Variants in C10orf90 observed in about 807,000 individuals in gnomAD.
C10orf90 encodes (E2-independent) E3 ubiquitin-conjugating enzyme FATS.
In C10orf90, 56 loss-of-function variants were observed where a neutral mutation model predicts 62.5. The ratio of observed to expected loss-of-function variants is 0.90; its 90% CI spans 0.72 to 1.12. C10orf90 has a LOEUF of 1.12. Among genes scored for constraint, C10orf90 ranks in the 50% most tolerant of loss-of-function variants. C10orf90 has a pLI of 0.00. For missense variants in C10orf90, 970 were observed against 880.4 expected (o/e 1.10, Z -1.29); for synonymous variants, 386 against 340.4 (o/e 1.13, Z -1.47).
At chr10:126,466,034 T>TA (rs113284947) in intron 4 of C10orf90, among the ~76,000 whole-genome samples, 1 of 151,634 alleles carries the variant, frequency 6.6e-6, no homozygotes, top group African/African-American at 2.4e-5. Context: ...TTTGTACTCT[T>TA]GATTTTTTTA....
intron 2 of C10orf90, among the ~76,000 whole-genome samples, chr10:126,587,662 C>G (rs1205349340): frequency 2.6e-5 from 4 of 152,212 alleles, no homozygotes. Context: ...TAGCAATGCT[C>G]TGCTAGAGCC....
At chr10:126,500,524 G>A (rs1338446575) in intron 4 of C10orf90, among the ~76,000 whole-genome samples, 2 of 152,138 alleles carry the variant, frequency 1.3e-5, no homozygotes, top group Non-Finnish European at 2.9e-5. Context: ...TGATGATGAC[G>A]ATGATGATGG....
chr10:126,579,427 G>C (rs1336045773), intron 2 of C10orf90, among the ~76,000 whole-genome samples: 1 of 151,942 alleles, frequency 6.6e-6, no homozygotes, highest in African/African-American at 2.4e-5. Context: ...TTTTAGTAGA[G>C]ATGGGGTTTC....
intron 7 of C10orf90, among the ~76,000 whole-genome samples, chr10:126,438,181 C>A (rs1307716374): frequency 1.3e-5 from 2 of 152,170 alleles, no homozygotes; most frequent in Non-Finnish European, 2.9e-5. Flanking sequence ...AGATGGAAGC[C>A]TGCACCCAAC....
At chr10:126,505,638 G>C (rs890523754) in intron 3 of C10orf90, among the ~76,000 whole-genome samples, 1 of 152,260 alleles carries the variant, frequency 6.6e-6, no homozygotes, top group South Asian at 2.1e-4. Flanking sequence ...TGGAAGTCAA[G>C]GTCCAGAGAG....
At chr10:126,510,459 G>A (rs936980486) in intron 3 of C10orf90, among the ~76,000 whole-genome samples, 5 of 152,140 alleles carry the variant, frequency 3.3e-5, no homozygotes, top group South Asian at 2.1e-4. Context: ...CTGGGTTAAC[G>A]AAACATGTCT....
chr10:126,526,137 C>T (rs1357146625), intron 2 of C10orf90, among the ~76,000 whole-genome samples: 4 of 152,090 alleles, frequency 2.6e-5, no homozygotes, highest in African/African-American at 9.7e-5. Flanking sequence ...CAGGCTCCCT[C>T]AGTCAAGTCT....
intron 4 of C10orf90, among the ~76,000 whole-genome samples, chr10:126,487,018 G>A (rs574020123): frequency 4.0e-5 from 6 of 151,670 alleles, no homozygotes; most frequent in African/African-American, 1.4e-4. Flanking sequence ...GGTGGCAGGT[G>A]CCTGTAATCC....
chr10:126,531,594 T>A (rs1464023331), intron 2 of C10orf90, among the ~76,000 whole-genome samples: 1 of 152,174 alleles, frequency 6.6e-6, no homozygotes, highest in African/African-American at 2.4e-5. Context: ...TGAAGAATAA[T>A]ATGCCTCAAC....
At chr10:126,494,207 C>A (rs1861915975) in intron 4 of C10orf90, among the ~76,000 whole-genome samples, 1 of 152,142 alleles carries the variant, frequency 6.6e-6, no homozygotes, top group South Asian at 2.1e-4. Flanking sequence ...TGAATATACA[C>A]CAAAGACTTT....
chr10:126,628,023 A>T (rs75956903), intron 2 of C10orf90, among the ~76,000 whole-genome samples: 4 of 152,234 alleles, frequency 2.6e-5, no homozygotes, highest in Non-Finnish European at 4.4e-5. Flanking sequence ...CTTAAAAAAA[A>T]GTGCATGGAA....
At chr10:126,536,636 G>T (rs932487184) in intron 2 of C10orf90, among the ~76,000 whole-genome samples, 1 of 152,206 alleles carries the variant, frequency 6.6e-6, no homozygotes, top group Non-Finnish European at 1.5e-5. Flanking sequence ...TAGCTTTGGT[G>T]CTCTCCACAC....
At chr10:126,434,337 C>T (rs1477352572) in intron 7 of C10orf90, among the ~76,000 whole-genome samples, 2 of 152,204 alleles carry the variant, frequency 1.3e-5, no homozygotes, top group Admixed American at 1.3e-4. Flanking sequence ...ACCCTGCCAC[C>T]AGCATGATTC....
chr10:126,550,264 G>A (rs1268237675), intron 2 of C10orf90, among the ~76,000 whole-genome samples: 2 of 151,822 alleles, frequency 1.3e-5, no homozygotes, highest in African/African-American at 2.4e-5. Context: ...CTCCTATACA[G>A]CATTCTTGAC....
chr10:126,570,017 C>T (rs113324358), intron 2 of C10orf90, among the ~76,000 whole-genome samples: 1 of 152,312 alleles, frequency 6.6e-6, no homozygotes, highest in Non-Finnish European at 1.5e-5. Context: ...CCTTGTGAAC[C>T]AGAGGCAACA....
At chr10:126,432,902 A>C (rs868369888) in intron 7 of C10orf90, among the ~76,000 whole-genome samples, 10 of 152,230 alleles carry the variant, frequency 6.6e-5, no homozygotes, top group African/African-American at 2.4e-4. Context: ...CCTGTTAAGG[A>C]GTTGCCTTCA....
chr10:126,464,545 A>G (rs1860170324), intron 5 of C10orf90, 151 bp downstream of exon 5: 2 of 933,750 alleles, frequency 2.1e-6, no homozygotes, highest in South Asian at 3.3e-5. Flanking sequence ...CTACTTGGCA[A>G]CCATTTGTCC....
At chr10:126,594,286 T>C (rs1845040333) in intron 2 of C10orf90, among the ~76,000 whole-genome samples, 1 of 152,078 alleles carries the variant, frequency 6.6e-6, no homozygotes, top group East Asian at 1.9e-4. Flanking sequence ...AAATCGTGTG[T>C]CTGTGTGTGT....
rs955781205 is a variant in C10orf90, at chr10:126,458,969, G to C, written c.2188+71C>G. 6.0e-6 allele frequency: 9 copies of C among 1,504,710 alleles called. No individual in the cohort carries two copies. In the Admixed American group the frequency reaches 1.7e-4, roughly 29 times the overall value. The allele number at this position is 1,504,710 out of a possible 1,614,324, so 93.2% of individuals were successfully genotyped here. On this transcript the variant is annotated intron_variant, in intron 7 of 9. Coordinates refer to ENST00000488181, the MANE Select transcript of C10orf90 (RefSeq NM_001350921.2). ...CATCATTTGGAGCCATCACCCCTGA[G>C]TGAAGCCTCCAGCTCCAGGAACCCC...
Sources: gnomAD v4.1 joint callset for allele counts (sites outside exome capture counted in the v4.1 genomes callset) on GRCh38, gnomAD v4.1.1 for gene constraint, MANE v1.5 for transcripts, NCBI Gene and HGNC (gene_info 2026-07-23, HGNC 2026-07-21) for gene names.